Variants in PPFIBP1 observed in about 807,000 individuals in gnomAD.
The protein encoded by PPFIBP1 is PPFIB scaffold protein 1, also known as liprin-beta-1.
PPFIBP1 carries 112 observed loss-of-function variants against 137.8 expected under a neutral mutation model. That is an observed-to-expected ratio of 0.81 (90% CI 0.70 to 0.95). PPFIBP1 has a LOEUF of 0.95. Ranked by LOEUF, PPFIBP1 falls within the 40% of genes least tolerant of loss-of-function variation. The pLI, the probability that PPFIBP1 is intolerant of heterozygous loss-of-function variation, is 0.00. For synonymous variants in PPFIBP1, 378 were observed against 417.3 expected, an observed-to-expected ratio of 0.91 and a Z score of 1.15; for missense variants, 1,083 against 1,196.6, an observed-to-expected ratio of 0.91 and a Z score of 1.40.
At chr12:27,560,597 G>A (rs1469262671) in intron 1 of PPFIBP1, among the ~76,000 whole-genome samples, 3 of 152,210 alleles carry the variant, frequency 2.0e-5, no homozygotes, top group South Asian at 2.1e-4. Context: ...CCACATTTTG[G>A]TTCTTCCTGT....
intron 26 of PPFIBP1, among the ~76,000 whole-genome samples, chr12:27,688,741 C>T (rs2140508890): frequency 6.6e-6 from 1 of 152,286 alleles, no homozygotes; most frequent in East Asian, 1.9e-4. Flanking sequence ...AAGGAGGTGG[C>T]TCCCACAGAC....
At chr12:27,579,643 G>A (rs1366146201) in intron 2 of PPFIBP1, among the ~76,000 whole-genome samples, 2 of 152,114 alleles carry the variant, frequency 1.3e-5, no homozygotes, top group Non-Finnish European at 2.9e-5. Flanking sequence ...CTATTTTACA[G>A]TTGCTGGACA....
At chr12:27,661,936 G>C (rs191006986) in intron 11 of PPFIBP1, among the ~76,000 whole-genome samples, 3 of 151,968 alleles carry the variant, frequency 2.0e-5, no homozygotes, top group Admixed American at 6.6e-5. Flanking sequence ...AAAGTAATTA[G>C]CAAGCTGCCC....
At chr12:27,586,903 A>G (rs2051825507) in intron 2 of PPFIBP1, among the ~76,000 whole-genome samples, 1 of 152,216 alleles carries the variant, frequency 6.6e-6, no homozygotes, top group Admixed American at 6.5e-5. Context: ...TTTGTGAGAA[A>G]CAAAAAATTT....
At chr12:27,529,821 T>C (rs898272052) in intron 1 of PPFIBP1, among the ~76,000 whole-genome samples, 2 of 152,208 alleles carry the variant, frequency 1.3e-5, no homozygotes, top group Admixed American at 6.5e-5. Flanking sequence ...GTAGGCCCAT[T>C]GGGAAGAGTG....
chr12:27,680,205 C>T lies in PPFIBP1; in HGVS notation c.1895+144C>T, dbSNP rs937575570. 3.2e-5 allele frequency: 38 copies of T among 1,190,678 alleles called. No individual in the cohort carries two copies. In the Admixed American group the frequency reaches 8.1e-4, roughly 25 times the overall value. The allele number at this position is 1,190,678 out of a possible 1,614,324, so 73.8% of individuals were successfully genotyped here. On this transcript the variant is annotated intron_variant, in intron 21 of 29. Transcript: ENST00000228425. ...TGAAAGGGGCCATCATCTTTAGAGCCGTGCAATTTGTCAATGGTTGATGAA... is the reference window on the plus strand; with the variant it reads ...TGAAAGGGGCCATCATCTTTAGAGCTGTGCAATTTGTCAATGGTTGATGAA...
At chr12:27,612,827 A>G (rs753011997) in intron 2 of PPFIBP1, among the ~76,000 whole-genome samples, 2 of 152,144 alleles carry the variant, frequency 1.3e-5, no homozygotes, top group Non-Finnish European at 1.5e-5. Flanking sequence ...AATGGGTCAA[A>G]TTTTGTCTCT....
chr12:27,691,682 T>TATC, intron 27 of PPFIBP1, 67 bp from the exon 28 acceptor site: 1 of 1,351,414 alleles, frequency 7.4e-7, no homozygotes. Flanking sequence ...AATCACATGT[T>TATC]ATCAGGCCTT....
intron 2 of PPFIBP1, among the ~76,000 whole-genome samples, chr12:27,587,397 G>A (rs991455434): frequency 9.9e-5 from 15 of 151,950 alleles, no homozygotes; most frequent in African/African-American, 2.7e-4. Context: ...CGAGGCGGGC[G>A]GATCACGGAG....
chr12:27,649,614 G>C (rs1249952343), intron 6 of PPFIBP1, among the ~76,000 whole-genome samples: 1 of 151,958 alleles, frequency 6.6e-6, no homozygotes, highest in Non-Finnish European at 1.5e-5. Flanking sequence ...GCAATGGTGC[G>C]ATCTCCGCTC....
chr12:27,559,180 T>A (rs1455452862), intron 1 of PPFIBP1, among the ~76,000 whole-genome samples: 3 of 29,592 alleles, frequency 1.0e-4, no homozygotes, highest in Non-Finnish European at 4.9e-4. Flanking sequence ...TAATAGTGAT[T>A]TTTTTTTTTT....
intron 11 of PPFIBP1, 135 bp from the exon 12 acceptor site, chr12:27,664,226 CT>C (rs919703942): frequency 2.2e-5 from 14 of 626,676 alleles, no homozygotes; most frequent in East Asian, 5.7e-5. Context: ...TCTGCTTATT[CT>C]TTTTTTTAAA....
intron 14 of PPFIBP1, 40 bp downstream of exon 14, chr12:27,671,586 A>G (rs199626838): frequency 7.7e-7 from 1 of 1,298,128 alleles, no homozygotes; most frequent in African/African-American, 1.5e-5. Flanking sequence ...ATGTTCAAAA[A>G]AGTAGATCAG....
chr12:27,620,545 A>G (rs1406158064), intron 2 of PPFIBP1, among the ~76,000 whole-genome samples: 1 of 152,124 alleles, frequency 6.6e-6, no homozygotes, highest in African/African-American at 2.4e-5. Context: ...TCTGATCAAA[A>G]CTTTTAAGTG....
At chr12:27,640,631 C>T (rs1259491379) in intron 4 of PPFIBP1, among the ~76,000 whole-genome samples, 2 of 150,920 alleles carry the variant, frequency 1.3e-5, no homozygotes, top group African/African-American at 4.9e-5. Context: ...GCCCTCATTC[C>T]ACCACACCCA....
intron 1 of PPFIBP1, among the ~76,000 whole-genome samples, chr12:27,530,594 A>G (rs1351625849): frequency 2.0e-5 from 3 of 152,210 alleles, no homozygotes; most frequent in African/African-American, 4.8e-5. Flanking sequence ...ACACAGCTGG[A>G]TGCCCAACTG....
chr12:27,570,269 G>A (rs10842937), intron 1 of PPFIBP1, among the ~76,000 whole-genome samples: 34,480 of 151,704 alleles, frequency 0.23, 4,519 homozygotes, highest in African/African-American at 0.33. Context: ...TTCCTTTATC[G>A]AATATGCAGT....
intron 4 of PPFIBP1, among the ~76,000 whole-genome samples, chr12:27,640,222 G>A (rs1247735315): frequency 2.6e-5 from 4 of 152,142 alleles, no homozygotes; most frequent in African/African-American, 9.7e-5. Flanking sequence ...CTAGGCCACT[G>A]GTATTTGTTA....
intron 7 of PPFIBP1, among the ~76,000 whole-genome samples, chr12:27,651,279 T>C (rs1425852947): frequency 2.6e-5 from 4 of 152,072 alleles, no homozygotes; most frequent in African/African-American, 9.7e-5. Context: ...TAATCTTTTT[T>C]TTTTTTTTTA....
Sources: allele counts gnomAD v4.1 joint callset (sites outside exome capture counted in the v4.1 genomes callset), GRCh38; gene constraint gnomAD v4.1.1; transcripts MANE v1.5; gene names NCBI Gene and HGNC (gene_info 2026-07-23, HGNC 2026-07-21).